Variants in ABCA1 observed in about 807,000 individuals in gnomAD.
The protein encoded by ABCA1 is ATP binding cassette subfamily A member 1.
A neutral mutation model predicts 262.5 loss-of-function variants in ABCA1; 133 were observed. The observed-to-expected ratio is 0.51, with a 90% CI of 0.44 to 0.59. ABCA1 has a LOEUF of 0.59. Ranked by LOEUF, ABCA1 falls within the 20% of genes least tolerant of loss-of-function variation. The pLI is 0.00. For synonymous variants in ABCA1, 1,022 were observed against 1,043.5 expected, an observed-to-expected ratio of 0.98 and a Z score of 0.40; for missense variants, 2,452 against 2,777.5, an observed-to-expected ratio of 0.88 and a Z score of 2.63.
At chr9:104,917,620 G>A (rs1183150590) in intron 1 of ABCA1, among the ~76,000 whole-genome samples, 1 of 152,168 alleles carries the variant, frequency 6.6e-6, no homozygotes, top group Non-Finnish European at 1.5e-5. Flanking sequence ...CGGGTGTGGT[G>A]GCATGCACCT....
chr9:104,855,463 A>T, intron 7 of ABCA1: 1 of 403,192 alleles, frequency 2.5e-6, no homozygotes, highest in Non-Finnish European at 4.1e-6. Flanking sequence ...GGCCCCCACA[A>T]TATGCTGGGA....
intron 2 of ABCA1, among the ~76,000 whole-genome samples, chr9:104,891,219 G>GT (rs908544849): frequency 6.6e-6 from 1 of 151,916 alleles, no homozygotes; most frequent in African/African-American, 2.4e-5. Flanking sequence ...TTAAAAAACT[G>GT]TTTTTTATTT....
At chr9:104,883,602 C>A (rs930926692) in intron 4 of ABCA1, among the ~76,000 whole-genome samples, 1 of 152,162 alleles carries the variant, frequency 6.6e-6, no homozygotes, top group Admixed American at 6.5e-5. Context: ...TGAATCTGGT[C>A]TGGATTATAT....
chr9:104,796,226 A>G (rs1359984164), intron 38 of ABCA1, 29 bp from the exon 39 acceptor site: 4 of 1,614,058 alleles, frequency 2.5e-6, no homozygotes, highest in African/African-American at 2.7e-5. Flanking sequence ...ATAAGTGTCT[A>G]CTGAGAGTCC....
At chr9:104,924,471 G>A (rs2515612) in intron 1 of ABCA1, among the ~76,000 whole-genome samples, 28,667 of 151,882 alleles carry the variant, frequency 0.19, 3,112 homozygotes, top group South Asian at 0.34. Flanking sequence ...CTAGCCGGGT[G>A]TGGTGGCACG....
chr9:104,900,251 T>G (rs1840556208), intron 2 of ABCA1, among the ~76,000 whole-genome samples: 1 of 152,198 alleles, frequency 6.6e-6, no homozygotes, highest in Non-Finnish European at 1.5e-5. Context: ...CTATTCTTCC[T>G]AGTGCAAGGG....
chr9:104,860,755 C>CTTTTTTTTTTTTTTTTTTTTTT (rs762423202), intron 6 of ABCA1, among the ~76,000 whole-genome samples: 2 of 115,864 alleles, frequency 1.7e-5, no homozygotes, highest in African/African-American at 3.5e-5. Flanking sequence ...TTATAAAATT[C>CTTTTTTTTTTTTTTTTTTTTTT]TTTTTTTTTT....
chr9:104,797,652 A>G (rs1045453403), intron 37 of ABCA1, among the ~76,000 whole-genome samples: 1 of 152,216 alleles, frequency 6.6e-6, no homozygotes, highest in Non-Finnish European at 1.5e-5. Context: ...GGCTTGGTAT[A>G]AACAGCAAAG....
intron 15 of ABCA1, among the ~76,000 whole-genome samples, chr9:104,828,696 T>A (rs1374252894): frequency 6.6e-6 from 1 of 152,180 alleles, no homozygotes; most frequent in Non-Finnish European, 1.5e-5. Context: ...TGCACTCTCA[T>A]CCTACTTAGC....
chr9:104,919,816 A>G (rs1272562729), intron 1 of ABCA1, among the ~76,000 whole-genome samples: 1 of 152,144 alleles, frequency 6.6e-6, no homozygotes, highest in Admixed American at 6.5e-5. Flanking sequence ...TATGATTCAA[A>G]TCTTCATTCA....
chr9:104,791,667 C>T (rs776408351), intron 43 of ABCA1, among the ~76,000 whole-genome samples: 14 of 152,248 alleles, frequency 9.2e-5, no homozygotes, highest in South Asian at 2.1e-4. Flanking sequence ...CCTCGTGATC[C>T]GCCCACCTCG....
chr9:104,911,106 C>T (rs1304497036), intron 1 of ABCA1, among the ~76,000 whole-genome samples: 2 of 152,090 alleles, frequency 1.3e-5, no homozygotes, highest in South Asian at 2.1e-4. Context: ...TTCTAGATGT[C>T]TTATATCAAA....
At chr9:104,852,026 T>G (rs1184820023) in intron 7 of ABCA1, among the ~76,000 whole-genome samples, 1 of 152,226 alleles carries the variant, frequency 6.6e-6, no homozygotes, top group East Asian at 1.9e-4. Context: ...GGTATACATA[T>G]ATTGGAATAG....
Position 104,806,321 on chromosome 9 carries a change from C to A in ABCA1, c.4384G>T (p.Ala1462Ser). The A allele has an allele frequency of 6.2e-7, 1 of 1,614,162 alleles. No homozygotes were observed. The highest frequency in any genetic ancestry group is 8.5e-7 in the Non-Finnish European group (1 of 1,180,040). ...ATTTTGTCGCTGCTACACTGGCATGCAGGTGAAGGGTTCTGCATTGTCCAG... is the reference window on the plus strand; with the variant it reads ...ATTTTGTCGCTGCTACACTGGCATGAAGGTGAAGGGTTCTGCATTGTCCAG... Reference protein sequence around the residue: ...GNWTMQNPSPACQCSSDKIKK... With the variant: ...GNWTMQNPSPSCQCSSDKIKK... The change falls in exon 31 of 50, where the codon GCA becomes TCA. Residue 1462 changes from alanine (A) to serine (S), a missense_variant. Physicochemically the swap from Ala to Ser is moderately conservative, Grantham distance 99. Coordinates refer to ENST00000374736, the MANE Select transcript of ABCA1 (RefSeq NM_005502.4).
At chr9:104,821,117 C>T (rs1588299505) in intron 20 of ABCA1, among the ~76,000 whole-genome samples, 1 of 152,086 alleles carries the variant, frequency 6.6e-6, no homozygotes, top group South Asian at 2.1e-4. Context: ...GTGGTGTGTG[C>T]CTAGAGTCCC....
At position 104,818,878 on chromosome 9, in the gene ABCA1, T is replaced by A. The variant is rs776677017; in HGVS notation, c.3247A>T (p.Thr1083Ser). 6 of 1,612,680 alleles carry A rather than the reference T, an allele frequency of 3.7e-6. No homozygotes were observed. The South Asian group carries it at 6.6e-5, about 18-fold the overall frequency. The change falls in exon 23 of 50, where the codon ACC becomes TCC. Residue 1083 changes from threonine (T) to serine (S), a missense_variant. This residue lies in a region of ABCA1 where 665 missense variants were observed against 727.3 expected (regional missense o/e 0.91). Transcript: ENST00000374736. ...ELLLKYRQGR[T>S]IILSTHHMDE... ...ATGTGGTGTGTAGAGAGAATAATGG[T>A]GCGGCCTGCCAGGCACAAACACAAG...
At chr9:104,827,291 T>C (rs1041608467) in intron 15 of ABCA1, 122 bp from the exon 16 acceptor site, 5 of 840,782 alleles carry the variant, frequency 5.9e-6, no homozygotes, top group Admixed American at 4.0e-5. Context: ...AGAGGCGTAA[T>C]GCTGTTCATC....
intron 8 of ABCA1, among the ~76,000 whole-genome samples, chr9:104,841,748 GAGT>G (rs1209123147): frequency 6.6e-6 from 1 of 152,210 alleles, no homozygotes; most frequent in Non-Finnish European, 1.5e-5. Flanking sequence ...CCAACAGCGT[GAGT>G]CAGAAACCCT....
chr9:104,792,871 T>G lies in ABCA1; in HGVS notation c.5672A>C (p.Glu1891Ala). Residue 1891 changes from glutamate (E) to alanine (A), a missense_variant, in exon 42 of 50, where the codon GAA (glutamate) becomes GCA (alanine). Physicochemically the swap from Glu to Ala is moderately radical, Grantham distance 107 (BLOSUM62 -1). Coordinates refer to ENST00000374736, the MANE Select transcript of ABCA1 (RefSeq NM_005502.4). ...VNAKLSPLND[E>A]DEDVRRERQR... ...TCTTTCCCGCCTCACATCTTCATCT[T>G]CATCATTCAGAGGAGATAGCTTTGC... is the stretch of plus-strand genomic sequence containing the variant. 2 of 1,614,130 alleles carry G rather than the reference T, an allele frequency of 1.2e-6. No homozygotes were observed. Among genetic ancestry groups the G allele is most frequent in the Middle Eastern group, 1.7e-4 (1 of 6,060 alleles).
Sources: allele counts gnomAD v4.1 joint callset (sites outside exome capture counted in the v4.1 genomes callset), GRCh38; gene constraint gnomAD v4.1.1; regional missense constraint gnomAD v4.1.1; transcripts MANE v1.5; gene names NCBI Gene and HGNC (gene_info 2026-07-23, HGNC 2026-07-21).